Variants in ATP11A observed in about 807,000 individuals in gnomAD.
The protein encoded by ATP11A is phospholipid-transporting ATPase IH.
ATP11A carries 81 observed loss-of-function variants against 154.4 expected under a neutral mutation model. The observed-to-expected ratio is 0.52, with a 90% CI of 0.44 to 0.63. ATP11A has a LOEUF of 0.63. Ranked by LOEUF, ATP11A falls within the 30% of genes least tolerant of loss-of-function variation. The pLI, the probability that ATP11A is intolerant of heterozygous loss-of-function variation, is 0.00. For missense variants in ATP11A, 1,316 were observed against 1,474.3 expected, an observed-to-expected ratio of 0.89 and a Z score of 1.76; for synonymous variants, 623 against 585.9, an observed-to-expected ratio of 1.06 and a Z score of -0.91.
Position 112,831,868 on chromosome 13 carries a change from G to A in ATP11A, c.1395+320G>A, listed in dbSNP as rs112193741. Among the ~76,000 whole-genome samples, 1,270 of 151,806 alleles carry A rather than the reference G, an allele frequency of 8.4e-3. 18 individuals carry two copies. The highest frequency in any genetic ancestry group is 0.053 in the East Asian group (271 of 5,132). ...ATGCACTCACACACGCCCAGATACT[G>A]TGTGCACACACACACATGCAGACAC... On this transcript the variant is annotated intron_variant, in intron 13 of 29. Transcript: ENST00000375645.
chr13:112,717,846 G>A (rs976891416), intron 1 of ATP11A, among the ~76,000 whole-genome samples: 1 of 152,232 alleles, frequency 6.6e-6, no homozygotes, highest in Admixed American at 6.5e-5. Context: ...GGAGACCGAG[G>A]TGGGTGGATC....
chr13:112,827,209 C>T (rs2078956658), intron 12 of ATP11A, among the ~76,000 whole-genome samples: 1 of 152,180 alleles, frequency 6.6e-6, no homozygotes, highest in Non-Finnish European at 1.5e-5. Context: ...GCTTCTGCAC[C>T]TGATATTCAA....
chr13:112,786,791 C>T (rs1362253855), intron 2 of ATP11A, among the ~76,000 whole-genome samples: 1 of 152,254 alleles, frequency 6.6e-6, no homozygotes, highest in African/African-American at 2.4e-5. Flanking sequence ...ACACGTGTGC[C>T]CTCACCTGTA....
At chr13:112,852,149 A>G (rs1225232988) in intron 18 of ATP11A, among the ~76,000 whole-genome samples, 1 of 152,204 alleles carries the variant, frequency 6.6e-6, no homozygotes, top group African/African-American at 2.4e-5. Flanking sequence ...AGTGAAAGGC[A>G]TGGATTTCAG....
At chr13:112,794,783 G>C (rs189259163) in intron 2 of ATP11A, among the ~76,000 whole-genome samples, 1 of 152,070 alleles carries the variant, frequency 6.6e-6, no homozygotes, top group South Asian at 2.1e-4. Flanking sequence ...CAGGAAAATC[G>C]CTTGAACCCG....
intron 1 of ATP11A, among the ~76,000 whole-genome samples, chr13:112,714,624 G>T (rs145177408): frequency 1.3e-5 from 2 of 152,222 alleles, no homozygotes; most frequent in Non-Finnish European, 2.9e-5. Flanking sequence ...CGCGTTCTGC[G>T]TGATGAGACT....
chr13:112,759,405 G>C (rs540421696), intron 1 of ATP11A, among the ~76,000 whole-genome samples: 121 of 152,328 alleles, frequency 7.9e-4, no homozygotes, highest in African/African-American at 2.7e-3. Context: ...GGTGGGGGTT[G>C]CTCCCAAGAC....
intron 17 of ATP11A, among the ~76,000 whole-genome samples, chr13:112,844,196 A>G (rs1323723911): frequency 6.6e-6 from 1 of 152,174 alleles, no homozygotes; most frequent in Admixed American, 6.5e-5. Context: ...CTGGTCCTCC[A>G]TGGAGGGTCT....
At position 112,878,225 on chromosome 13, in the gene ATP11A, C is replaced by T. The variant is rs1161479916; in HGVS notation, c.3336C>T (p.Ser1112=). 6.2e-7 allele frequency: 1 copy of T among 1,614,228 alleles called. No individual in the cohort carries two copies. Among genetic ancestry groups the T allele is most frequent in the Admixed American group, 1.7e-5 (1 of 60,034 alleles). ...CTGACCTCGGGACTAAGACTAAGAG[C>T]CAGTGCCTTTCTGTCGAGCAGTCAA... The part of the protein sequence containing the change: ...PTATERVQTK[S]QCLSVEQSTI... Residue 1112 remains serine, a synonymous_variant, in exon 29 of 30, where the codon AGC becomes AGT. Transcript: ENST00000375645.
intron 1 of ATP11A, among the ~76,000 whole-genome samples, chr13:112,739,003 T>G (rs1477437578): frequency 1.3e-5 from 2 of 152,204 alleles, no homozygotes; most frequent in African/African-American, 4.8e-5. Flanking sequence ...ACTTAGGACT[T>G]ACTTTATTGA....
At chr13:112,787,825 C>T (rs961315425) in intron 2 of ATP11A, among the ~76,000 whole-genome samples, 7 of 146,630 alleles carry the variant, frequency 4.8e-5, no homozygotes, top group Non-Finnish European at 1.0e-4. Flanking sequence ...TAATTCACAC[C>T]GGTGTCCTAA....
At chr13:112,719,017 A>G (rs1888835123) in intron 1 of ATP11A, among the ~76,000 whole-genome samples, 1 of 152,186 alleles carries the variant, frequency 6.6e-6, no homozygotes, top group African/African-American at 2.4e-5. Flanking sequence ...AGGGAGGGTT[A>G]GGATTTCAAC....
chr13:112,761,209 C>G (rs1396465256), intron 1 of ATP11A, among the ~76,000 whole-genome samples: 1 of 152,108 alleles, frequency 6.6e-6, no homozygotes, highest in Non-Finnish European at 1.5e-5. Context: ...CATCATGGCC[C>G]CAAAGCACAA....
intron 19 of ATP11A, 106 bp from the exon 20 acceptor site, chr13:112,855,805 A>T: frequency 9.5e-7 from 1 of 1,050,528 alleles, no homozygotes; most frequent in Non-Finnish European, 1.4e-6. Context: ...CTAGTTTCTT[A>T]ATCCCATGGA....
chr13:112,850,507 T>G (rs2079734390), intron 17 of ATP11A, among the ~76,000 whole-genome samples: 1 of 152,240 alleles, frequency 6.6e-6, no homozygotes. Flanking sequence ...TTGTGATTCT[T>G]GATTTCTTTT....
rs574327910 is a variant in ATP11A, at chr13:112,791,758, G to A, written c.162+6501G>A. ...CCCCTCGGCTGGGCCCTTCCTCTCCGCTGCTCCCTGTGGAACTGGAGCCCC... is the reference window on the plus strand; with the variant it reads ...CCCCTCGGCTGGGCCCTTCCTCTCCACTGCTCCCTGTGGAACTGGAGCCCC... On this transcript the variant is annotated intron_variant, in intron 2 of 29. Transcript: ENST00000375645. 5.3e-5 allele frequency among the ~76,000 whole-genome samples: 8 copies of A among 152,118 alleles called. No individual in the cohort carries two copies. In the South Asian group the frequency reaches 1.2e-3, roughly 24 times the overall value.
intron 1 of ATP11A, among the ~76,000 whole-genome samples, chr13:112,784,912 C>T (rs1013077960): frequency 6.6e-6 from 1 of 152,224 alleles, no homozygotes; most frequent in South Asian, 2.1e-4. Flanking sequence ...AGCGCAGACC[C>T]TCCTGGTGCT....
intron 29 of ATP11A, among the ~76,000 whole-genome samples, chr13:112,880,022 C>T (rs1317896747): frequency 6.6e-6 from 1 of 152,246 alleles, no homozygotes; most frequent in South Asian, 2.1e-4. Flanking sequence ...CCCATTCAGA[C>T]GTGCAATTGT....
At chr13:112,707,346 CAG>C (rs1340795068) in intron 1 of ATP11A, among the ~76,000 whole-genome samples, 1 of 147,826 alleles carries the variant, frequency 6.8e-6, no homozygotes, top group African/African-American at 2.5e-5. Context: ...ACCCAGGAGA[CAG>C]AGGTTGCAGT....
Sources: allele counts gnomAD v4.1 joint callset (sites outside exome capture counted in the v4.1 genomes callset), GRCh38; gene constraint gnomAD v4.1.1; transcripts MANE v1.5; gene names NCBI Gene and HGNC (gene_info 2026-07-23, HGNC 2026-07-21).